The following PCSK2 variants were observed in gnomAD, a reference collection of about 807,000 sequenced individuals.
PCSK2 encodes proprotein convertase subtilisin/kexin type 2, also known as neuroendocrine convertase 2.
A neutral mutation model predicts 69.7 loss-of-function variants in PCSK2; 14 were observed. The observed-to-expected ratio is 0.20, with a 90% CI of 0.13 to 0.31. The LOEUF (loss-of-function observed/expected upper bound fraction) is 0.31. Ranked by LOEUF, PCSK2 falls within the 10% of genes least tolerant of loss-of-function variation. PCSK2 has a pLI of 1.00. For missense variants in PCSK2, 544 were observed against 842.5 expected (o/e 0.65, Z 4.39); for synonymous variants, 307 against 320.7 (o/e 0.96, Z 0.46).
chr20:17,402,627 CT>C (rs2031664069), intron 5 of PCSK2, among the ~76,000 whole-genome samples: 2 of 141,520 alleles, frequency 1.4e-5, no homozygotes, highest in African/African-American at 2.7e-5. Flanking sequence ...TGCCCCCGCA[CT>C]CAAGCCTGGG....
chr20:17,482,075 G>A lies in PCSK2; in HGVS notation c.*5G>A, dbSNP rs2123429270. ...AGCATCCTTAACAAGAACTAGCGCTGCACATCCGCCTTTCCCACCGCCCTC... is the reference window on the plus strand; with the variant it reads ...AGCATCCTTAACAAGAACTAGCGCTACACATCCGCCTTTCCCACCGCCCTC... On this transcript the variant is annotated 3_prime_UTR_variant, in exon 12 of 12. Coordinates refer to ENST00000262545, the MANE Select transcript of PCSK2 (RefSeq NM_002594.5). 6.4e-7 allele frequency: 1 copy of A among 1,554,448 alleles called. No individual in the cohort carries two copies. The highest frequency in any genetic ancestry group is 8.7e-7 in the Non-Finnish European group (1 of 1,151,548).
chr20:17,254,590 C>T (rs545776041), intron 1 of PCSK2, among the ~76,000 whole-genome samples: 2 of 152,282 alleles, frequency 1.3e-5, no homozygotes, highest in South Asian at 2.1e-4. Context: ...TACCATACTA[C>T]TTTGATTACT....
intron 10 of PCSK2, chr20:17,464,083 C>T (rs2033058954): frequency 6.6e-6 from 1 of 152,154 alleles, no homozygotes; most frequent in African/African-American, 2.4e-5. Context: ...ATAACACCAA[C>T]CATTAAATCA....
At chr20:17,336,309 T>G (rs1990348402) in intron 2 of PCSK2, among the ~76,000 whole-genome samples, 1 of 152,142 alleles carries the variant, frequency 6.6e-6, no homozygotes, top group South Asian at 2.1e-4. Flanking sequence ...AAGCCACAGC[T>G]TTATAAAAAC....
intron 2 of PCSK2, among the ~76,000 whole-genome samples, chr20:17,348,588 G>C (rs1457395719): frequency 6.6e-6 from 1 of 152,132 alleles, no homozygotes; most frequent in African/African-American, 2.4e-5. Flanking sequence ...CATATGGGGG[G>C]CCACAGCCAG....
intron 11 of PCSK2, among the ~76,000 whole-genome samples, chr20:17,481,290 G>C (rs560105203): frequency 1.4e-4 from 21 of 147,812 alleles, no homozygotes; most frequent in African/African-American, 5.3e-4. Flanking sequence ...GCTGAGGCAT[G>C]AGAATCACTT....
At chr20:17,270,462 A>G (rs1987817346) in intron 2 of PCSK2, among the ~76,000 whole-genome samples, 1 of 152,162 alleles carries the variant, frequency 6.6e-6, no homozygotes, top group African/African-American at 2.4e-5. Context: ...TTAGGCAAAG[A>G]GATTCATGTC....
chr20:17,347,800 GA>G lies in PCSK2; in HGVS notation c.283-10524del, dbSNP rs1568611944. 8.9e-4 allele frequency among the ~76,000 whole-genome samples: 61 copies of G among 68,860 alleles called. 1 individual carries two copies. The highest frequency in any genetic ancestry group is 2.0e-3 in the Admixed American group (13 of 6,516). 45.2% of individuals were successfully genotyped at this position (68,860 alleles called of 152,430 possible). On this transcript the variant is annotated intron_variant, in intron 2 of 11. Coordinates refer to ENST00000262545, the MANE Select transcript of PCSK2 (RefSeq NM_002594.5). Reference sequence around the variant, plus strand: ...AAGACACATAGACGAAAGAAAGAAAGAAAGAAAGAAAGAAAGAAAGAAAGAA... The same window carrying G: ...AAGACACATAGACGAAAGAAAGAAAGAAGAAAGAAAGAAAGAAAGAAAGAA...
Position 17,260,332 on chromosome 20 carries a change from G to C in PCSK2, c.270G>C (p.Glu90Asp). 1 of 1,611,794 alleles carries C rather than the reference G, an allele frequency of 6.2e-7. No individual in the cohort carries two copies. Among genetic ancestry groups the C allele is most frequent in the East Asian group, 2.2e-5 (1 of 44,856 alleles). Residue 90 changes from glutamate to aspartate, a missense_variant, in exon 2 of 12, where the codon GAG (glutamate) becomes GAC (aspartate). Physicochemically the swap from Glu to Asp is conservative, Grantham distance 45. Around this residue, in one of 3 missense-constraint regions of PCSK2, gnomAD observed 157 missense variants for 155.0 expected, o/e 1.01. Coordinates refer to ENST00000262545, the MANE Select transcript of PCSK2 (RefSeq NM_002594.5). The part of the protein sequence containing the change: ...RRSLHHKQQL[E>D]RDPRVKMALQ... Reference sequence around the variant, plus strand: ...GCCTACACCACAAGCAGCAGCTGGAGAGAGACCCCAGGGTGAGTTTTCCCC... The same window carrying C: ...GCCTACACCACAAGCAGCAGCTGGACAGAGACCCCAGGGTGAGTTTTCCCC...
chr20:17,464,887 T>C (rs1424530983), intron 10 of PCSK2: 2 of 242,430 alleles, frequency 8.2e-6, no homozygotes, highest in Admixed American at 4.9e-5. Flanking sequence ...ACACATTTGG[T>C]CAGGTATATG....
chr20:17,417,040 G>A (rs980149394), intron 6 of PCSK2, among the ~76,000 whole-genome samples: 2 of 152,144 alleles, frequency 1.3e-5, no homozygotes, highest in Non-Finnish European at 2.9e-5. Flanking sequence ...GGCAGACTGG[G>A]GGAGGGGTAG....
At chr20:17,367,321 A>G (rs958682909) in intron 4 of PCSK2, among the ~76,000 whole-genome samples, 10 of 152,226 alleles carry the variant, frequency 6.6e-5, no homozygotes, top group African/African-American at 2.4e-4. Flanking sequence ...ATGATAAGAA[A>G]TAGAATGTAT....
At chr20:17,447,639 A>G (rs1398966087) in intron 8 of PCSK2, among the ~76,000 whole-genome samples, 1 of 152,210 alleles carries the variant, frequency 6.6e-6, no homozygotes, top group Admixed American at 6.5e-5. Flanking sequence ...CTCTTTTAGA[A>G]ACACTGCCTA....
chr20:17,358,291 T>C (rs758025759), intron 2 of PCSK2, 36 bp from the exon 3 acceptor site: 1 of 1,148,130 alleles, frequency 8.7e-7, no homozygotes, highest in Non-Finnish European at 1.3e-6. Context: ...AATGTTCAGA[T>C]TATATTCAGG....
intron 5 of PCSK2, among the ~76,000 whole-genome samples, chr20:17,370,493 A>G (rs6034806): frequency 0.89 from 135,655 of 152,248 alleles, 60,706 homozygotes; most frequent in South Asian, 0.96. Flanking sequence ...CATTGGCAGA[A>G]TCCAGCCAAT....
chr20:17,376,870 C>T (rs2030943161), intron 5 of PCSK2, among the ~76,000 whole-genome samples: 1 of 152,214 alleles, frequency 6.6e-6, no homozygotes, highest in Non-Finnish European at 1.5e-5. Context: ...AATGTTAACT[C>T]ACCAATATTA....
chr20:17,372,916 A>G (rs954743607), intron 5 of PCSK2, among the ~76,000 whole-genome samples: 6 of 152,206 alleles, frequency 3.9e-5, no homozygotes, highest in African/African-American at 1.4e-4. Flanking sequence ...CATTAACACA[A>G]TGAGGACAGC....
intron 5 of PCSK2, among the ~76,000 whole-genome samples, chr20:17,372,225 AG>A: frequency 6.6e-6 from 1 of 151,960 alleles, no homozygotes; most frequent in Non-Finnish European, 1.5e-5. Flanking sequence ...TAAAAATACA[AG>A]AAATTAGCCG....
chr20:17,452,198 G>T (rs1404336476), intron 8 of PCSK2, among the ~76,000 whole-genome samples: 1 of 151,928 alleles, frequency 6.6e-6, no homozygotes, highest in Non-Finnish European at 1.5e-5. Flanking sequence ...GCTATTTCTT[G>T]ATACCGAGCC....
Sources: gnomAD v4.1 joint callset for allele counts (sites outside exome capture counted in the v4.1 genomes callset) on GRCh38, gnomAD v4.1.1 for gene constraint, gnomAD v4.1.1 regional missense constraint, MANE v1.5 for transcripts, NCBI Gene and HGNC (gene_info 2026-07-23, HGNC 2026-07-21) for gene names.